Variants in ACSL3 observed in about 807,000 individuals in gnomAD.
ACSL3 encodes the protein fatty acid CoA ligase Acsl3.
In ACSL3, 34 loss-of-function variants were observed where a neutral mutation model predicts 84.7. The observed-to-expected ratio is 0.40, with a 90% CI of 0.31 to 0.53. The LOEUF is 0.53. ACSL3 is among the 20% of genes least tolerant of loss of function. ACSL3 has a pLI of 0.48. For synonymous variants in ACSL3, 315 were observed against 299.4 expected (o/e 1.05, Z -0.54); for missense variants, 680 against 873.1 (o/e 0.78, Z 2.79).
At chr2:222,880,746 C>T (rs563627080) in intron 1 of ACSL3, among the ~76,000 whole-genome samples, 2 of 150,300 alleles carry the variant, frequency 1.3e-5, no homozygotes, top group African/African-American at 2.5e-5. Context: ...AGGAGAATGG[C>T]GTGAACCCGG....
intron 1 of ACSL3, among the ~76,000 whole-genome samples, chr2:222,861,929 G>C (rs2106074963): frequency 6.6e-6 from 1 of 152,238 alleles, no homozygotes; most frequent in African/African-American, 2.4e-5. Flanking sequence ...CTGTGGGGTA[G>C]GTGTTATCAG....
chr2:222,944,528 C>T lies in ACSL3; in HGVS notation c.*2874C>T, dbSNP rs1697411791. 1 of 151,914 alleles carries T rather than the reference C, an allele frequency of 6.6e-6. No homozygotes were observed. The highest frequency in any genetic ancestry group is 6.6e-5 in the Admixed American group (1 of 15,260). 9.4% of individuals were successfully genotyped at this position (151,914 alleles called of 1,614,324 possible). On this transcript the variant is annotated 3_prime_UTR_variant, in exon 17 of 17. Transcript: ENST00000357430. The stretch of plus-strand genomic sequence containing the variant: ...ATGTGTTCTTGGTTGTTGCTGTTTT[C>T]TGCCTGAAGACGTGTATCATAAAGA...
chr2:222,909,007 T>G lies in ACSL3; in HGVS notation c.235T>G (p.Ser79Ala), dbSNP rs370644690. The G allele has an allele frequency of 1.0e-4, 164 of 1,613,726 alleles. No individual in the cohort carries two copies. Among genetic ancestry groups the G allele is most frequent in the Non-Finnish European group, 1.4e-4 (162 of 1,179,928 alleles). ...TGTTAATAGTTTGGATGGTTTGGCT[T>G]CAGTATTATACCCTGGATGTGATAC... ...RSVNSLDGLASVLYPGCDTLD... is the reference protein window; with the variant it reads ...RSVNSLDGLAAVLYPGCDTLD... Residue 79 changes from serine (S) to alanine (A), a missense_variant, in exon 4 of 17, where the codon TCA (serine) becomes GCA (alanine). Physicochemically the swap from Ser to Ala is moderately conservative, Grantham distance 99 (BLOSUM62 1). This residue lies in a region of ACSL3 where 333 missense variants were observed against 347.5 expected (regional missense o/e 0.96). Coordinates refer to ENST00000357430, the MANE Select transcript of ACSL3 (RefSeq NM_004457.5).
At chr2:222,866,601 T>A (rs534684137) in intron 1 of ACSL3, among the ~76,000 whole-genome samples, 1 of 152,222 alleles carries the variant, frequency 6.6e-6, no homozygotes, top group East Asian at 1.9e-4. Flanking sequence ...GGGCGCTGCA[T>A]CTCCTCTCTG....
intron 1 of ACSL3, among the ~76,000 whole-genome samples, chr2:222,867,895 A>G (rs904795275): frequency 2.0e-5 from 3 of 151,536 alleles, no homozygotes; most frequent in Admixed American, 1.3e-4. Flanking sequence ...TTCTTTGTCC[A>G]TTATACTTAA....
intron 1 of ACSL3, among the ~76,000 whole-genome samples, chr2:222,868,612 G>A (rs932079756): frequency 5.9e-5 from 9 of 152,268 alleles, no homozygotes; most frequent in African/African-American, 2.2e-4. Context: ...CAAACCATAA[G>A]TTGAGGTACA....
rs116037609 is a variant in ACSL3, at chr2:222,932,132, G to A, written c.1733-1034G>A. On this transcript the variant is annotated intron_variant, in intron 14 of 16. Coordinates refer to ENST00000357430, the MANE Select transcript of ACSL3 (RefSeq NM_004457.5). The stretch of plus-strand genomic sequence containing the variant: ...AGGTTGGAGAGTCTTAACACTTAGC[G>A]CTACCATTGTAGTACCAATGTATTG... Among the ~76,000 whole-genome samples the A allele has an allele frequency of 6.7e-3, 1,015 of 152,196 alleles. 10 individuals carry two copies. Among genetic ancestry groups the A allele is most frequent in the African/African-American group, 0.023 (952 of 41,520 alleles).
Position 222,942,277 on chromosome 2 carries a change from T to A in ACSL3, c.*623T>A, listed in dbSNP as rs1697332339. 1 of 185,408 alleles carries A rather than the reference T, an allele frequency of 5.4e-6. No individual in the cohort carries two copies. Among genetic ancestry groups the A allele is most frequent in the Non-Finnish European group, 1.1e-5 (1 of 87,182 alleles). 11.5% of individuals were successfully genotyped at this position (185,408 alleles called of 1,614,324 possible). A position where few individuals can be genotyped will look rare whatever the true frequency, so the allele number is the denominator to read the frequency against. ...GTGTCTTCTTTATATATTTATTTTT[T>A]ATTAGAAAAAATGAAGTTTGGTTGG... On this transcript the variant is annotated 3_prime_UTR_variant, in exon 17 of 17. Coordinates refer to ENST00000357430, the MANE Select transcript of ACSL3 (RefSeq NM_004457.5).
chr2:222,920,817 C>G, intron 7 of ACSL3: 1 of 356,922 alleles, frequency 2.8e-6, no homozygotes, highest in South Asian at 2.4e-5. Flanking sequence ...CTCTTGCTCA[C>G]TCTGTTCCAG....
intron 11 of ACSL3, among the ~76,000 whole-genome samples, chr2:222,925,116 C>T (rs1038680961): frequency 1.3e-5 from 2 of 151,868 alleles, no homozygotes; most frequent in Admixed American, 1.3e-4. Flanking sequence ...GCGGGCAGAT[C>T]ACCTGAGGTC....
intron 1 of ACSL3, among the ~76,000 whole-genome samples, chr2:222,870,944 G>A (rs773217084): frequency 5.6e-4 from 85 of 152,242 alleles, no homozygotes; most frequent in Middle Eastern, 3.4e-3. Flanking sequence ...GAGTGGCAAC[G>A]TCACACTGGC....
Position 222,943,224 on chromosome 2 carries a change from G to A in ACSL3, c.*1570G>A, listed in dbSNP as rs1697373849. 9.6e-6 allele frequency: 2 copies of A among 208,450 alleles called. No individual in the cohort carries two copies. Among genetic ancestry groups the A allele is most frequent in the African/African-American group, 5.0e-5 (2 of 39,914 alleles). 12.9% of individuals were successfully genotyped at this position (208,450 alleles called of 1,614,324 possible). On this transcript the variant is annotated 3_prime_UTR_variant, in exon 17 of 17. Transcript: ENST00000357430. ...TCGTATGTGGAGACATTGCAATACA[G>A]TGTTTTTTGTTTTCAACTTTTCTTG...
chr2:222,888,587 A>G (rs1422194521), intron 2 of ACSL3, among the ~76,000 whole-genome samples: 1 of 152,176 alleles, frequency 6.6e-6, no homozygotes, highest in Non-Finnish European at 1.5e-5. Flanking sequence ...CTTTTTTCAT[A>G]TCAGTTGAAT....
intron 1 of ACSL3, among the ~76,000 whole-genome samples, chr2:222,865,673 G>T (rs554122320): frequency 6.6e-6 from 1 of 152,298 alleles, no homozygotes; most frequent in Admixed American, 6.5e-5. Flanking sequence ...GAGTAGGGAA[G>T]GAAAAGGGGA....
At chr2:222,917,491 A>G (rs1696615630) in intron 5 of ACSL3, 1 of 152,240 alleles carries the variant, frequency 6.6e-6, no homozygotes, top group African/African-American at 2.4e-5. Flanking sequence ...TTTCAAAGTC[A>G]TTTTGTGTAT....
Position 222,923,356 on chromosome 2 carries a change from C to T in ACSL3, c.1152+207C>T, listed in dbSNP as rs374025445. ...ATTTACTAAGCACTCAACTTAATTT[C>T]AGCTTCTGTGTGTAATTATCAACTT... On this transcript the variant is annotated intron_variant, in intron 10 of 16. Coordinates refer to ENST00000357430, the MANE Select transcript of ACSL3 (RefSeq NM_004457.5). Among the ~76,000 whole-genome samples the T allele has an allele frequency of 3.3e-4, 51 of 152,330 alleles. 6 individuals are homozygous for T. The East Asian group carries it at 4.0e-3, about 12-fold the overall frequency.
chr2:222,935,776 TA>T (rs1476112039), intron 16 of ACSL3, among the ~76,000 whole-genome samples: 1 of 152,212 alleles, frequency 6.6e-6, no homozygotes, highest in Non-Finnish European at 1.5e-5. Context: ...TTTATTGTAG[TA>T]AAAATCTCAT....
intron 8 of ACSL3, among the ~76,000 whole-genome samples, chr2:222,922,395 C>T (rs1321261643): frequency 6.6e-6 from 1 of 152,210 alleles, no homozygotes; most frequent in Non-Finnish European, 1.5e-5. Flanking sequence ...TCTTGTGCCT[C>T]AGTACTTTGC....
At chr2:222,888,917 G>C (rs1370000070) in intron 2 of ACSL3, among the ~76,000 whole-genome samples, 1 of 152,142 alleles carries the variant, frequency 6.6e-6, no homozygotes, top group Non-Finnish European at 1.5e-5. Flanking sequence ...CTCTTTGAGG[G>C]ATATACGTGA....
Sources: gnomAD v4.1 joint callset for allele counts (sites outside exome capture counted in the v4.1 genomes callset) on GRCh38, gnomAD v4.1.1 for gene constraint, gnomAD v4.1.1 regional missense constraint, MANE v1.5 for transcripts, NCBI Gene and HGNC (gene_info 2026-07-23, HGNC 2026-07-21) for gene names.